The following MEF2A variants were observed in gnomAD, a reference collection of about 807,000 sequenced individuals.
MEF2A encodes myocyte-specific enhancer factor 2A.
Under a neutral mutation model 55.8 loss-of-function variants are expected in MEF2A, and 28 were observed. The ratio of observed to expected loss-of-function variants is 0.50; its 90% CI spans 0.37 to 0.69. The LOEUF is 0.69. MEF2A is among the 30% of genes least tolerant of loss of function. The pLI, the probability that MEF2A is intolerant of heterozygous loss-of-function variation, is 0.00. For synonymous variants in MEF2A, 239 were observed against 227.1 expected, an observed-to-expected ratio of 1.05 and a Z score of -0.47; for missense variants, 528 against 626.2, an observed-to-expected ratio of 0.84 and a Z score of 1.67.
intron 8 of MEF2A, among the ~76,000 whole-genome samples, chr15:99,692,416 T>C (rs2055660968): frequency 6.6e-6 from 1 of 152,144 alleles, no homozygotes; most frequent in South Asian, 2.1e-4. Context: ...GTTCATAGTT[T>C]TCCTTGAACT....
At chr15:99,566,730 G>A (rs1959752541) in intron 1 of MEF2A, 1 of 152,350 alleles carries the variant, frequency 6.6e-6, no homozygotes, top group Admixed American at 6.5e-5. Context: ...TCTGCTTTGG[G>A]AGAAGATTGG....
At chr15:99,710,254 T>A (rs2058484649) in intron 10 of MEF2A, among the ~76,000 whole-genome samples, 1 of 150,556 alleles carries the variant, frequency 6.6e-6, no homozygotes, top group Non-Finnish European at 1.5e-5. Flanking sequence ...TTTTATTTTA[T>A]TTTTTTTTGA....
chr15:99,698,383 A>G (rs1357327888), intron 8 of MEF2A, among the ~76,000 whole-genome samples: 3 of 152,264 alleles, frequency 2.0e-5, no homozygotes, highest in Non-Finnish European at 4.4e-5. Context: ...CAAAAAGAAG[A>G]TACATGGATG....
chr15:99,593,749 A>G (rs1457750192), intron 1 of MEF2A, among the ~76,000 whole-genome samples: 1 of 152,182 alleles, frequency 6.6e-6, no homozygotes, highest in Admixed American at 6.5e-5. Flanking sequence ...TCATTTAACC[A>G]TTCCTACTAG....
intron 6 of MEF2A, 108 bp from the exon 7 acceptor site, chr15:99,675,291 T>C: frequency 2.0e-6 from 2 of 977,130 alleles, no homozygotes; most frequent in Non-Finnish European, 1.7e-6. Context: ...TTGTGTCTTT[T>C]TAGGATTAGA....
intron 8 of MEF2A, among the ~76,000 whole-genome samples, chr15:99,693,560 CAAACT>C (rs1415101927): frequency 6.6e-6 from 1 of 152,066 alleles, no homozygotes; most frequent in Non-Finnish European, 1.5e-5. Flanking sequence ...TTTTTCTTCA[CAAACT>C]AAACTATTCA....
At chr15:99,701,501 A>G (rs2057386513) in intron 8 of MEF2A, among the ~76,000 whole-genome samples, 1 of 152,230 alleles carries the variant, frequency 6.6e-6, no homozygotes, top group Admixed American at 6.5e-5. Context: ...GGGATCCAGG[A>G]TCTGATCCTG....
intron 1 of MEF2A, among the ~76,000 whole-genome samples, chr15:99,589,909 G>T (rs1596318247): frequency 6.6e-6 from 1 of 151,938 alleles, no homozygotes. Context: ...TTGTTTTATG[G>T]TCCAGCATAT....
At chr15:99,643,650 G>C (rs2045431048) in intron 3 of MEF2A, among the ~76,000 whole-genome samples, 1 of 149,728 alleles carries the variant, frequency 6.7e-6, no homozygotes, top group Admixed American at 6.6e-5. Context: ...GGAGTGCAGT[G>C]GTGCGATCTC....
chr15:99,588,813 A>C (rs544073498), intron 1 of MEF2A, among the ~76,000 whole-genome samples: 2 of 150,196 alleles, frequency 1.3e-5, no homozygotes, highest in African/African-American at 2.5e-5. Context: ...TTATTTCTCT[A>C]TGTCTATTGG....
chr15:99,604,360 T>C (rs1974328512), intron 2 of MEF2A, among the ~76,000 whole-genome samples: 3 of 152,192 alleles, frequency 2.0e-5, no homozygotes, highest in Admixed American at 6.5e-5. Context: ...CTGTGCTTTA[T>C]TGGTTGGTTA....
chr15:99,672,840 C>G (rs2051142366), intron 5 of MEF2A, among the ~76,000 whole-genome samples: 1 of 152,116 alleles, frequency 6.6e-6, no homozygotes, highest in African/African-American at 2.4e-5. Context: ...TAATTTTGTA[C>G]ATGAAACAAG....
At chr15:99,593,945 G>A (rs1328031195) in intron 1 of MEF2A, among the ~76,000 whole-genome samples, 1 of 147,894 alleles carries the variant, frequency 6.8e-6, no homozygotes. Context: ...TTTTTTTTTT[G>A]TACTCTTTCA....
At chr15:99,604,830 TG>T (rs1171274259) in intron 2 of MEF2A, among the ~76,000 whole-genome samples, 2 of 152,110 alleles carry the variant, frequency 1.3e-5, no homozygotes, top group East Asian at 1.9e-4. Context: ...GCCTTTTCCG[TG>T]GGGTTAATTT....
At position 99,588,991 on chromosome 15, in the gene MEF2A, A is replaced by G. The variant is rs375128780; in HGVS notation, c.-224-9439A>G. 3.9e-5 allele frequency among the ~76,000 whole-genome samples: 6 copies of G among 152,292 alleles called. No individual in the cohort carries two copies. The East Asian group carries it at 5.8e-4, about 15-fold the overall frequency. ...TATTTTGTTAAGAATGTTTGCCTCT[A>G]TACCCAAGTGACACTGGTATGAAGT... On this transcript the variant is annotated intron_variant, in intron 1 of 11. Transcript: ENST00000557942.
At chr15:99,633,699 T>C (rs2043289333) in intron 3 of MEF2A, among the ~76,000 whole-genome samples, 1 of 152,148 alleles carries the variant, frequency 6.6e-6, no homozygotes, top group African/African-American at 2.4e-5. Context: ...ATTGAAGTTA[T>C]TTTATGGTAC....
intron 8 of MEF2A, among the ~76,000 whole-genome samples, chr15:99,702,808 T>C (rs2057575162): frequency 6.6e-6 from 1 of 152,228 alleles, no homozygotes; most frequent in Non-Finnish European, 1.5e-5. Context: ...TAAACATATA[T>C]AAAACTGGTA....
intron 1 of MEF2A, among the ~76,000 whole-genome samples, chr15:99,596,204 T>C (rs1000058580): frequency 6.6e-6 from 1 of 152,204 alleles, no homozygotes; most frequent in Admixed American, 6.5e-5. Flanking sequence ...TGTACTGTGA[T>C]GTGTAACTAT....
chr15:99,573,326 G>A (rs571111194), intron 1 of MEF2A, among the ~76,000 whole-genome samples: 3 of 150,662 alleles, frequency 2.0e-5, no homozygotes, highest in South Asian at 4.2e-4. Flanking sequence ...CCTAATCAAC[G>A]GAAATAACCA....
Sources: allele counts gnomAD v4.1 joint callset (sites outside exome capture counted in the v4.1 genomes callset), GRCh38; gene constraint gnomAD v4.1.1; transcripts MANE v1.5; gene names NCBI Gene and HGNC (gene_info 2026-07-23, HGNC 2026-07-21).